The following HELZ variants were observed in gnomAD, a reference collection of about 807,000 sequenced individuals.
HELZ encodes ATP-dependent RNA helicase with zinc finger domain.
HELZ carries 23 observed loss-of-function variants against 218.2 expected under a neutral mutation model. The observed-to-expected ratio is 0.11, with a 90% CI of 0.08 to 0.15. The LOEUF (loss-of-function observed/expected upper bound fraction) is 0.15. Ranked by LOEUF, HELZ falls within the 10% of genes least tolerant of loss-of-function variation. The probability of loss-of-function intolerance (pLI) is 1.00; values close to 1 mark genes in which losing one functional copy is unlikely to be tolerated. For missense variants in HELZ, 1,813 were observed against 2,353.7 expected (o/e 0.77, Z 4.75); for synonymous variants, 814 against 829.4 (o/e 0.98, Z 0.32).
chr17:67,123,195 G>A (rs1383010686), intron 25 of HELZ, 35 bp from the exon 26 acceptor site: 3 of 1,327,302 alleles, frequency 2.3e-6, no homozygotes, highest in Admixed American at 3.6e-5. Flanking sequence ...GCACTCAACA[G>A]CTGTACATAG....
chr17:67,224,872 G>T, intron 3 of HELZ: 1 of 828,288 alleles, frequency 1.2e-6, no homozygotes, highest in Non-Finnish European at 2.1e-6. Context: ...TGGCTATGGT[G>T]GGCAAACTAA....
chr17:67,212,296 C>A (rs2040474024), intron 5 of HELZ, among the ~76,000 whole-genome samples: 1 of 76,858 alleles, frequency 1.3e-5, no homozygotes, highest in Non-Finnish European at 2.4e-5. Context: ...ACCTGGGCGA[C>A]AGGGAGAGAC....
intron 3 of HELZ, among the ~76,000 whole-genome samples, chr17:67,223,018 C>A (rs1286922136): frequency 6.8e-6 from 1 of 148,144 alleles, no homozygotes; most frequent in Non-Finnish European, 1.5e-5. Flanking sequence ...GAGGCCGAGG[C>A]GAGTGGATCA....
At chr17:67,095,048 T>C (rs2036701024) in intron 31 of HELZ, among the ~76,000 whole-genome samples, 1 of 152,220 alleles carries the variant, frequency 6.6e-6, no homozygotes, top group South Asian at 2.1e-4. Context: ...AGTTGTTTGA[T>C]GGTATTTTAC....
At chr17:67,197,450 C>G (rs2040060872) in intron 7 of HELZ, among the ~76,000 whole-genome samples, 1 of 152,130 alleles carries the variant, frequency 6.6e-6, no homozygotes, top group Non-Finnish European at 1.5e-5. Context: ...ACACTTCTGC[C>G]CCCCTGATTT....
rs376712782 is a variant in HELZ, at chr17:67,070,849, G to A, written c.*7403C>T. On this transcript the variant is annotated 3_prime_UTR_variant, in exon 33 of 33. Coordinates refer to ENST00000358691, the MANE Select transcript of HELZ (RefSeq NM_014877.4). ...TGTATAACTGGTACTTTGAAGAGAT[G>A]AACCTGACCACCTCAGTTTTGTACA... 1.3e-5 allele frequency: 2 copies of A among 152,208 alleles called. No individual in the cohort carries two copies. Among genetic ancestry groups the A allele is most frequent in the South Asian group, 2.1e-4 (1 of 4,820 alleles). 9.4% of individuals were successfully genotyped at this position (152,208 alleles called of 1,614,324 possible).
At chr17:67,177,065 T>C (rs1168351108) in intron 13 of HELZ, among the ~76,000 whole-genome samples, 1 of 151,642 alleles carries the variant, frequency 6.6e-6, no homozygotes. Flanking sequence ...CTAGACCTCC[T>C]GGGCTCAAGC....
At chr17:67,134,856 A>G (rs1346014310) in intron 23 of HELZ, among the ~76,000 whole-genome samples, 1 of 152,176 alleles carries the variant, frequency 6.6e-6, no homozygotes, top group African/African-American at 2.4e-5. Context: ...GACTACCTAC[A>G]TCTCTTTTTA....
At chr17:67,240,638 A>G (rs549490903) in intron 2 of HELZ, among the ~76,000 whole-genome samples, 23 of 152,362 alleles carry the variant, frequency 1.5e-4, no homozygotes, top group African/African-American at 5.3e-4. Flanking sequence ...CAGAAATGAC[A>G]AAAATCACAA....
At chr17:67,189,799 C>A in intron 10 of HELZ, 103 bp from the exon 11 acceptor site, 1 of 762,964 alleles carries the variant, frequency 1.3e-6, no homozygotes, top group South Asian at 1.6e-5. Context: ...GATGATGGAA[C>A]TGTTTACAGA....
intron 11 of HELZ, among the ~76,000 whole-genome samples, chr17:67,189,199 G>T (rs1036678123): frequency 6.6e-6 from 1 of 152,092 alleles, no homozygotes; most frequent in Middle Eastern, 3.2e-3. Context: ...CAGAATTTGT[G>T]ACTTCATCAT....
At position 67,166,512 on chromosome 17, in the gene HELZ, T is replaced by C. The variant is rs769988745; in HGVS notation, c.1861A>G (p.Ser621Gly). ...KDNGVLFPDISMTPTIPWSPN... is the reference protein window; with the variant it reads ...KDNGVLFPDIGMTPTIPWSPN... ...CTCCATGGTATGGTGGGAGTCATACTGATGTCTGGAAACAAAACCCCATTG... is the reference window on the plus strand; with the variant it reads ...CTCCATGGTATGGTGGGAGTCATACCGATGTCTGGAAACAAAACCCCATTG... The change falls in exon 15 of 33, where the codon AGT (serine) becomes GGT (glycine). Residue 621 changes from serine to glycine, a missense_variant. Ser to Gly is a moderately conservative substitution (Grantham distance 56). Transcript: ENST00000358691. 6.2e-7 allele frequency: 1 copy of C among 1,613,354 alleles called. No individual in the cohort carries two copies. The highest frequency in any genetic ancestry group is 1.7e-5 in the Admixed American group (1 of 60,002).
chr17:67,157,120 T>C (rs1326207621), intron 17 of HELZ, among the ~76,000 whole-genome samples: 3 of 152,204 alleles, frequency 2.0e-5, no homozygotes, highest in Admixed American at 6.5e-5. Context: ...TCCTGAGGCC[T>C]CCCTAGAAGC....
chr17:67,232,405 G>C (rs964605631), intron 3 of HELZ, among the ~76,000 whole-genome samples: 40 of 152,290 alleles, frequency 2.6e-4, no homozygotes, highest in African/African-American at 9.6e-4. Flanking sequence ...GCCCGCCTCA[G>C]CCTCCCAAAA....
chr17:67,202,230 TAAA>T (rs572917120), intron 6 of HELZ, among the ~76,000 whole-genome samples: 1 of 145,754 alleles, frequency 6.9e-6, no homozygotes, highest in Non-Finnish European at 1.5e-5. Context: ...CGAACTGGTT[TAAA>T]AAAAAAAAGG....
chr17:67,073,581 A>G lies in HELZ; in HGVS notation c.*4671T>C, dbSNP rs1331464442. ...GGTTTGGTATTTAACCACAGTTCACATTTCTAAGTCTAGATTCTTCTATTA... is the reference window on the plus strand; with the variant it reads ...GGTTTGGTATTTAACCACAGTTCACGTTTCTAAGTCTAGATTCTTCTATTA... On this transcript the variant is annotated 3_prime_UTR_variant, in exon 33 of 33. Coordinates refer to ENST00000358691, the MANE Select transcript of HELZ (RefSeq NM_014877.4). 6.6e-6 allele frequency: 1 copy of G among 152,312 alleles called. No individual in the cohort carries two copies. The highest frequency in any genetic ancestry group is 6.5e-5 in the Admixed American group (1 of 15,304). The allele number at this position is 152,312 out of a possible 1,614,324, so 9.4% of individuals were successfully genotyped here.
At chr17:67,095,147 T>C (rs914877183) in intron 31 of HELZ, among the ~76,000 whole-genome samples, 4 of 152,226 alleles carry the variant, frequency 2.6e-5, no homozygotes, top group African/African-American at 9.6e-5. Context: ...CTAAATCCTT[T>C]GAACTCCTTT....
chr17:67,221,370 T>A (rs1030977836), intron 3 of HELZ, among the ~76,000 whole-genome samples: 7 of 152,160 alleles, frequency 4.6e-5, no homozygotes, highest in African/African-American at 1.4e-4. Context: ...GCTTGCCAGA[T>A]AACAGCAACA....
At chr17:67,105,492 TTTC>T (rs2037073175) in intron 31 of HELZ, among the ~76,000 whole-genome samples, 2 of 152,002 alleles carry the variant, frequency 1.3e-5, no homozygotes, top group South Asian at 4.2e-4. Context: ...AGTTATGGGG[TTTC>T]TTTTATGGGT....
Sources: gnomAD v4.1 joint callset for allele counts (sites outside exome capture counted in the v4.1 genomes callset) on GRCh38, gnomAD v4.1.1 for gene constraint, MANE v1.5 for transcripts, NCBI Gene and HGNC (gene_info 2026-07-23, HGNC 2026-07-21) for gene names.